RNF38: variants seen among roughly 807,000 people sequenced by gnomAD.
RNF38 encodes ring finger protein 38.
RNF38 carries 15 observed loss-of-function variants against 67.2 expected under a neutral mutation model. The observed-to-expected ratio is 0.22, with a 90% CI of 0.15 to 0.34. RNF38 has a LOEUF of 0.34. RNF38 is among the 10% of genes least tolerant of loss of function. The pLI, the probability that RNF38 is intolerant of heterozygous loss-of-function variation, is 1.00. For synonymous variants in RNF38, 220 were observed against 218.8 expected (o/e 1.01, Z -0.05); for missense variants, 524 against 639.9 (o/e 0.82, Z 1.95).
At chr9:36,419,977 G>T (rs1189965908) in intron 2 of RNF38, among the ~76,000 whole-genome samples, 2 of 152,290 alleles carry the variant, frequency 1.3e-5, no homozygotes, top group East Asian at 3.9e-4. Context: ...CAATGGTTCA[G>T]TTCCACTGTG....
At chr9:36,365,662 G>GTTTTTTTTTTTTTTTTTTTTTTTT (rs759974775) in intron 4 of RNF38, among the ~76,000 whole-genome samples, 1 of 103,600 alleles carries the variant, frequency 9.7e-6, no homozygotes, top group African/African-American at 3.9e-5. Context: ...AAGACTGATA[G>GTTTTTTTTTTTTTTTTTTTTTTTT]TTTTTTTTTT....
intron 1 of RNF38, among the ~76,000 whole-genome samples, chr9:36,471,849 C>G (rs1840006112): frequency 6.6e-6 from 1 of 152,198 alleles, no homozygotes; most frequent in African/African-American, 2.4e-5. Context: ...CCCACCTCAG[C>G]CTCCCAAGTA....
intron 4 of RNF38, among the ~76,000 whole-genome samples, chr9:36,365,807 A>T (rs1834907121): frequency 6.6e-6 from 1 of 151,398 alleles, no homozygotes; most frequent in South Asian, 2.1e-4. Flanking sequence ...CTGGGACTAC[A>T]GGTGCGCGCC....
intron 2 of RNF38, among the ~76,000 whole-genome samples, chr9:36,408,392 G>A (rs1201882555): frequency 1.3e-5 from 2 of 151,650 alleles, no homozygotes; most frequent in Non-Finnish European, 2.9e-5. Context: ...GTAGTTTTCA[G>A]GGTACTCCCT....
At chr9:36,348,522 G>A (rs1833468323) in intron 9 of RNF38, among the ~76,000 whole-genome samples, 1 of 152,088 alleles carries the variant, frequency 6.6e-6, no homozygotes, top group South Asian at 2.1e-4. Flanking sequence ...TCACTCCAGT[G>A]AACGCACGAA....
chr9:36,399,200 T>C (rs1016983753), intron 1 of RNF38, among the ~76,000 whole-genome samples: 1 of 152,184 alleles, frequency 6.6e-6, no homozygotes, highest in African/African-American at 2.4e-5. Context: ...GATGGGCATA[T>C]AAAGCCCAAC....
At chr9:36,483,608 T>G (rs1840331721) in intron 1 of RNF38, among the ~76,000 whole-genome samples, 2 of 152,154 alleles carry the variant, frequency 1.3e-5, no homozygotes, top group African/African-American at 4.8e-5. Context: ...TCTTCCATCT[T>G]GAGGGATAAT....
chr9:36,392,401 G>GT (rs1476626732), intron 1 of RNF38, among the ~76,000 whole-genome samples: 2 of 152,122 alleles, frequency 1.3e-5, no homozygotes, highest in East Asian at 3.8e-4. Flanking sequence ...GAATCAAGGC[G>GT]TATTTACTGA....
intron 2 of RNF38, among the ~76,000 whole-genome samples, chr9:36,407,432 A>T (rs754195269): frequency 6.6e-6 from 1 of 152,224 alleles, no homozygotes. Context: ...GCAGGTGGAC[A>T]GTGAAAAGGC....
intron 1 of RNF38, among the ~76,000 whole-genome samples, chr9:36,432,197 C>G (rs935736804): frequency 3.3e-5 from 5 of 151,918 alleles, no homozygotes; most frequent in Admixed American, 3.3e-4. Context: ...TGCAATGGCA[C>G]GATCTCGTCT....
Position 36,363,599 on chromosome 9 carries a change from G to A in RNF38, c.571-5657C>T, listed in dbSNP as rs770966442. Among the ~76,000 whole-genome samples the A allele has an allele frequency of 1.5e-4, 15 of 100,256 alleles. 5 individuals carry two copies. Among genetic ancestry groups the A allele is most frequent in the Non-Finnish European group, 3.1e-4 (12 of 38,676 alleles). The allele number at this position is 100,256 out of a possible 152,430, so 65.8% of individuals were successfully genotyped here. On this transcript the variant is annotated intron_variant, in intron 4 of 11. Coordinates refer to ENST00000259605, the MANE Select transcript of RNF38 (RefSeq NM_022781.5). ...ATATGCCATGTATATATACTCATGC[G>A]TGGCTTAACGATGGAGATACATTCT...
chr9:36,366,346 T>C (rs963943597), intron 4 of RNF38, among the ~76,000 whole-genome samples: 3 of 152,218 alleles, frequency 2.0e-5, no homozygotes, highest in Admixed American at 2.0e-4. Flanking sequence ...TATTAGACTT[T>C]TTTCCCTTTC....
At chr9:36,351,019 C>A (rs888199607) in intron 9 of RNF38, 96 bp downstream of exon 9, 18 of 842,704 alleles carry the variant, frequency 2.1e-5, no homozygotes, top group Non-Finnish European at 3.5e-5. Context: ...GCCCAGGAAG[C>A]CAAAAGATTG....
intron 1 of RNF38, among the ~76,000 whole-genome samples, chr9:36,438,590 G>C (rs1839122994): frequency 6.6e-6 from 1 of 151,960 alleles, no homozygotes; most frequent in African/African-American, 2.4e-5. Flanking sequence ...CTTACAAGCA[G>C]AAGAGTTTCA....
chr9:36,386,922 C>T (rs1304594661), intron 2 of RNF38, among the ~76,000 whole-genome samples: 1 of 152,216 alleles, frequency 6.6e-6, no homozygotes, highest in Non-Finnish European at 1.5e-5. Context: ...TGTGTCTCAG[C>T]CTCTTGAGTA....
intron 4 of RNF38, among the ~76,000 whole-genome samples, chr9:36,364,859 C>T (rs1834826895): frequency 6.6e-6 from 1 of 152,200 alleles, no homozygotes; most frequent in African/African-American, 2.4e-5. Context: ...CTAGGTGATG[C>T]TGCTGCTGCT....
intron 1 of RNF38, among the ~76,000 whole-genome samples, chr9:36,399,361 G>A (rs1397661661): frequency 4.6e-5 from 7 of 151,834 alleles, no homozygotes; most frequent in Admixed American, 2.6e-4. Context: ...TTCAACTATA[G>A]GCGCTAAGGC....
intron 1 of RNF38, among the ~76,000 whole-genome samples, chr9:36,436,367 T>C (rs1051211137): frequency 6.6e-6 from 1 of 152,216 alleles, no homozygotes; most frequent in Non-Finnish European, 1.5e-5. Flanking sequence ...TAGAAAGAGC[T>C]TAGCCATTCA....
chr9:36,449,460 G>T (rs186759978), intron 1 of RNF38, among the ~76,000 whole-genome samples: 4 of 151,676 alleles, frequency 2.6e-5, no homozygotes, highest in Admixed American at 2.6e-4. Flanking sequence ...TTTTGAGATG[G>T]AGCATCACTC....
Sources: gnomAD v4.1 joint callset for allele counts (sites outside exome capture counted in the v4.1 genomes callset) on GRCh38, gnomAD v4.1.1 for gene constraint, MANE v1.5 for transcripts, NCBI Gene and HGNC (gene_info 2026-07-23, HGNC 2026-07-21) for gene names.